CNBD1: variants seen among roughly 807,000 people sequenced by gnomAD.
The protein encoded by CNBD1 is cyclic nucleotide-binding domain-containing protein 1.
CNBD1 carries 71 observed loss-of-function variants against 54.4 expected under a neutral mutation model. The ratio of observed to expected loss-of-function variants is 1.30; its 90% confidence interval spans 1.08 to 1.59. CNBD1 has a LOEUF of 1.59. Among genes scored for constraint, CNBD1 ranks in the 40% most tolerant of loss-of-function variants. The probability of loss-of-function intolerance (pLI) is 0.00; values close to 1 mark genes in which losing one functional copy is unlikely to be tolerated. For synonymous variants in CNBD1, 182 were observed against 170.7 expected, an observed-to-expected ratio of 1.07 and a Z score of -0.51; for missense variants, 659 against 518.0, an observed-to-expected ratio of 1.27 and a Z score of -2.64.
rs181861528 is a variant in CNBD1 at position 87,248,557 on chromosome 8, A to T, written c.771+11445A>T. ...TTTTAATACAGGGCGCTTGATCGCC[A>T]TGTGGAGAAGCAGCTTTGAAGGTCT... On this transcript the variant is annotated intron_variant, in intron 6 of 10. Coordinates refer to ENST00000518476, the MANE Select transcript of CNBD1 (RefSeq NM_173538.3). 3.8e-4 allele frequency among the ~76,000 whole-genome samples: 58 copies of T among 152,314 alleles called. No individual in the cohort carries two copies. The East Asian group carries it at 0.011, about 29-fold the overall frequency.
chr8:87,136,927 C>A lies in CNBD1; in HGVS notation c.432-69066C>A, dbSNP rs183520370. ...ATAAATTATATATTATATTTATATT[C>A]TATGTAAATTATATATTATATTTAT... is the stretch of plus-strand genomic sequence containing the variant. On this transcript the variant is annotated intron_variant, in intron 4 of 10. Transcript: ENST00000518476. Among the ~76,000 whole-genome samples, 5 of 47,446 alleles carry A rather than the reference C, an allele frequency of 1.1e-4. 2 individuals are homozygous for A. Among genetic ancestry groups the A allele is most frequent in the African/African-American group, 3.3e-4 (2 of 6,140 alleles). The allele number at this position is 47,446 out of a possible 152,430, so 31.1% of individuals were successfully genotyped here.
At chr8:87,069,399 C>CTGTATTTTA (rs1810717085) in intron 4 of CNBD1, among the ~76,000 whole-genome samples, 1 of 152,024 alleles carries the variant, frequency 6.6e-6, no homozygotes, top group Non-Finnish European at 1.5e-5. Flanking sequence ...TTTACTGTAA[C>CTGTATTTTA]CTTTTCTATG....
At chr8:87,275,539 C>T (rs112526165) in intron 6 of CNBD1, among the ~76,000 whole-genome samples, 42,487 of 151,458 alleles carry the variant, frequency 0.28, 6,381 homozygotes, top group African/African-American at 0.39. Flanking sequence ...ATGCTAAAAA[C>T]TCTCAATAAA....
chr8:86,869,045 G>A (rs1808404514), intron 1 of CNBD1, among the ~76,000 whole-genome samples: 2 of 152,166 alleles, frequency 1.3e-5, no homozygotes, highest in African/African-American at 4.8e-5. Flanking sequence ...GCCTCTAGAA[G>A]CAGGGAAAGG....
chr8:87,300,046 T>C (rs555100015), intron 8 of CNBD1, among the ~76,000 whole-genome samples: 1 of 152,274 alleles, frequency 6.6e-6, no homozygotes, highest in South Asian at 2.1e-4. Context: ...TCTTAGCCCA[T>C]TGGACACTTG....
intron 4 of CNBD1, among the ~76,000 whole-genome samples, chr8:87,202,586 A>G (rs1813886389): frequency 6.6e-6 from 1 of 152,134 alleles, no homozygotes. Flanking sequence ...GTATGCACCA[A>G]TTACGGGTCG....
chr8:87,423,877 TA>T (rs1465973557), intron 2 of CNBD1, among the ~76,000 whole-genome samples: 2 of 152,226 alleles, frequency 1.3e-5, no homozygotes, highest in East Asian at 3.9e-4. Flanking sequence ...GTACCTCTGG[TA>T]GAATTTGGCT....
chr8:86,974,185 A>G (rs1202260397), intron 4 of CNBD1, among the ~76,000 whole-genome samples: 1 of 152,288 alleles, frequency 6.6e-6, no homozygotes, highest in East Asian at 1.9e-4. Flanking sequence ...AAGGAAATAC[A>G]AATTAAAACT....
chr8:87,387,829 A>G (rs140321554), downstream of CNBD1, among the ~76,000 whole-genome samples: 1,257 of 152,288 alleles, frequency 8.3e-3, 6 homozygotes, highest in African/African-American at 0.028. Flanking sequence ...CACCACACCT[A>G]TTCCAAAATT....
At chr8:87,095,812 C>T (rs986325833) in intron 4 of CNBD1, among the ~76,000 whole-genome samples, 1 of 152,104 alleles carries the variant, frequency 6.6e-6, no homozygotes, top group Non-Finnish European at 1.5e-5. Flanking sequence ...TGCCCGCCAC[C>T]ACACCTGGCT....
intron 4 of CNBD1, among the ~76,000 whole-genome samples, chr8:87,125,326 A>T (rs1446651472): frequency 6.6e-6 from 1 of 151,792 alleles, no homozygotes; most frequent in Admixed American, 6.6e-5. Context: ...TACCCAAAAC[A>T]ATCTTGAGCA....
chr8:87,053,992 G>C (rs1047602370), intron 4 of CNBD1, among the ~76,000 whole-genome samples: 9 of 152,220 alleles, frequency 5.9e-5, no homozygotes, highest in African/African-American at 2.2e-4. Context: ...TCTTCCTTCA[G>C]ATGGAGACAG....
At chr8:87,362,844 T>G (rs779924968) in intron 10 of CNBD1, among the ~76,000 whole-genome samples, 1 of 152,088 alleles carries the variant, frequency 6.6e-6, no homozygotes, top group Non-Finnish European at 1.5e-5. Flanking sequence ...TGGATCAATC[T>G]TATGGAGTTC....
intron 4 of CNBD1, among the ~76,000 whole-genome samples, chr8:87,008,914 C>T (rs1174404219): frequency 6.6e-6 from 1 of 152,072 alleles, no homozygotes; most frequent in East Asian, 1.9e-4. Flanking sequence ...CTTTCTTATT[C>T]AGTCTGATAA....
At chr8:87,179,153 C>T (rs965691648) in intron 4 of CNBD1, among the ~76,000 whole-genome samples, 1 of 152,122 alleles carries the variant, frequency 6.6e-6, no homozygotes, top group Non-Finnish European at 1.5e-5. Flanking sequence ...TCGTGATCCA[C>T]CCGCCTTGGC....
At chr8:87,258,427 CT>C (rs1307496597) in intron 6 of CNBD1, among the ~76,000 whole-genome samples, 1 of 78,586 alleles carries the variant, frequency 1.3e-5, no homozygotes. Flanking sequence ...TTTTTTATTT[CT>C]TTTTTTTCTT....
intron 3 of CNBD1, among the ~76,000 whole-genome samples, chr8:86,910,807 CAAAAG>C (rs1809089679): frequency 1.3e-5 from 2 of 152,120 alleles, no homozygotes; most frequent in Non-Finnish European, 2.9e-5. Flanking sequence ...GTTTAATAGA[CAAAAG>C]AAAGGGAAAA....
At chr8:87,000,409 A>G (rs1052128242) in intron 4 of CNBD1, among the ~76,000 whole-genome samples, 1 of 152,142 alleles carries the variant, frequency 6.6e-6, no homozygotes, top group Non-Finnish European at 1.5e-5. Context: ...CTAGTCTTGG[A>G]TGTTACTTTA....
At position 87,397,185 on chromosome 8, in the gene CNBD1, C is replaced by T. The variant is rs76598228; in HGVS notation, c.214-31361C>T. Among the ~76,000 whole-genome samples the T allele has an allele frequency of 4.8e-3, 732 of 151,688 alleles. 5 individuals are homozygous for T. The highest frequency in any genetic ancestry group is 7.7e-3 in the Non-Finnish European group (522 of 67,838). On this transcript the variant is annotated intron_variant, in intron 2 of 7. Coordinates refer to the CNBD1 transcript ENST00000521593. ...ATATATTTTGGGTTATTCTTATGCC[C>T]TATTTCTTTCAGAGCTGCAAAGTTT...
Sources: allele counts gnomAD v4.1 joint callset (sites outside exome capture counted in the v4.1 genomes callset), GRCh38; gene constraint gnomAD v4.1.1; transcripts MANE v1.5; gene names NCBI Gene and HGNC (gene_info 2026-07-23, HGNC 2026-07-21).